FSTL5: variants seen among roughly 807,000 people sequenced by gnomAD.
FSTL5 encodes follistatin-related protein 5.
A neutral mutation model predicts 89.1 loss-of-function variants in FSTL5; 62 were observed. The observed-to-expected ratio is 0.70, with a 90% confidence interval of 0.57 to 0.86. The LOEUF (loss-of-function observed/expected upper bound fraction) is 0.86, where lower values mean the gene tolerates loss of function less well. Ranked by LOEUF, FSTL5 falls within the 40% of genes least tolerant of loss-of-function variation. FSTL5 has a pLI of 0.00. For missense variants in FSTL5, 1,057 were observed against 1,001.6 expected (o/e 1.06, Z -0.75); for synonymous variants, 383 against 346.2 (o/e 1.11, Z -1.18).
chr4:161,465,666 T>C (rs192927998), intron 13 of FSTL5, among the ~76,000 whole-genome samples: 1 of 152,276 alleles, frequency 6.6e-6, no homozygotes, highest in East Asian at 1.9e-4. Context: ...AAATGAGACT[T>C]ACTTGTAGCT....
chr4:161,765,258 T>C (rs1191421522), intron 5 of FSTL5, among the ~76,000 whole-genome samples: 1 of 152,216 alleles, frequency 6.6e-6, no homozygotes, highest in Non-Finnish European at 1.5e-5. Flanking sequence ...CACTCTCTGA[T>C]GTTAAATAGG....
chr4:161,409,856 T>C (rs1243666956), intron 15 of FSTL5, among the ~76,000 whole-genome samples: 1 of 152,098 alleles, frequency 6.6e-6, no homozygotes, highest in African/African-American at 2.4e-5. Flanking sequence ...AACAACACCA[T>C]GACAGGATCA....
At chr4:162,120,256 C>T (rs1447910311) in intron 1 of FSTL5, among the ~76,000 whole-genome samples, 2 of 151,958 alleles carry the variant, frequency 1.3e-5, no homozygotes, top group Non-Finnish European at 2.9e-5. Context: ...ACTCTTAGTT[C>T]CATTATTTTG....
At chr4:162,089,811 T>C (rs1046479204) in intron 2 of FSTL5, among the ~76,000 whole-genome samples, 4 of 152,262 alleles carry the variant, frequency 2.6e-5, no homozygotes, top group Non-Finnish European at 4.4e-5. Context: ...CAATGCTTGA[T>C]AAAAATTTGC....
At chr4:161,875,860 A>G (rs1228122793) in intron 4 of FSTL5, among the ~76,000 whole-genome samples, 1 of 151,984 alleles carries the variant, frequency 6.6e-6, no homozygotes, top group Admixed American at 6.6e-5. Context: ...TTTTTGGTTG[A>G]TGCTTTTTTT....
At chr4:162,062,768 A>C (rs1211724422) in intron 2 of FSTL5, among the ~76,000 whole-genome samples, 1 of 151,534 alleles carries the variant, frequency 6.6e-6, no homozygotes, top group Middle Eastern at 3.4e-3. Flanking sequence ...TGCTCACTGT[A>C]AGCAATACTT....
At chr4:162,126,618 T>C (rs1340890274) in intron 1 of FSTL5, among the ~76,000 whole-genome samples, 1 of 151,572 alleles carries the variant, frequency 6.6e-6, no homozygotes, top group African/African-American at 2.4e-5. Flanking sequence ...CATTTAACTT[T>C]TACTTAAATG....
At chr4:161,763,653 C>T (rs1273885212) in intron 5 of FSTL5, among the ~76,000 whole-genome samples, 2 of 152,116 alleles carry the variant, frequency 1.3e-5, no homozygotes, top group Non-Finnish European at 2.9e-5. Context: ...ACGTACCATT[C>T]ATATGTTTGA....
chr4:161,962,351 G>A (rs1366656873), intron 3 of FSTL5, among the ~76,000 whole-genome samples: 1 of 151,822 alleles, frequency 6.6e-6, no homozygotes, highest in Non-Finnish European at 1.5e-5. Context: ...TAATTATTTT[G>A]ATACGAATTG....
At chr4:161,391,725 T>C (rs1176412606) in intron 15 of FSTL5, among the ~76,000 whole-genome samples, 1 of 152,152 alleles carries the variant, frequency 6.6e-6, no homozygotes. Context: ...TTCATGTTTG[T>C]GAGAGGGGAA....
intron 4 of FSTL5, among the ~76,000 whole-genome samples, chr4:161,914,421 A>G (rs898489851): frequency 2.3e-4 from 35 of 152,182 alleles, no homozygotes; most frequent in African/African-American, 8.4e-4. Context: ...TAACAAACCC[A>G]CTTCATAATC....
chr4:161,411,332 C>A (rs1347601621), intron 15 of FSTL5, among the ~76,000 whole-genome samples: 1 of 151,566 alleles, frequency 6.6e-6, no homozygotes, highest in Admixed American at 6.6e-5. Flanking sequence ...CTAACTTATT[C>A]TATGAAGCCA....
chr4:161,441,258 G>T (rs1732751818), intron 15 of FSTL5, among the ~76,000 whole-genome samples: 1 of 152,092 alleles, frequency 6.6e-6, no homozygotes, highest in African/African-American at 2.4e-5. Flanking sequence ...ACTGTGATTT[G>T]CTTTCTCTAC....
At chr4:161,805,060 T>C (rs1232153086) in intron 4 of FSTL5, among the ~76,000 whole-genome samples, 1 of 152,040 alleles carries the variant, frequency 6.6e-6, no homozygotes, top group Admixed American at 6.6e-5. Flanking sequence ...AACTGGACAA[T>C]TCTGTAGGAC....
chr4:161,752,263 AGATAGATAGATG>A, intron 6 of FSTL5, among the ~76,000 whole-genome samples: 1 of 150,712 alleles, frequency 6.6e-6, no homozygotes, highest in African/African-American at 2.5e-5. Context: ...ATAGATAGAT[AGATAGATAGATG>A]GAATGTTTCC....
At chr4:161,760,352 C>G (rs1434354000) in intron 5 of FSTL5, among the ~76,000 whole-genome samples, 1 of 152,118 alleles carries the variant, frequency 6.6e-6, no homozygotes, top group Non-Finnish European at 1.5e-5. Flanking sequence ...CTCTCACATA[C>G]AAAGGCAGGG....
chr4:161,397,612 G>A (rs560423622), intron 15 of FSTL5, among the ~76,000 whole-genome samples: 117 of 150,200 alleles, frequency 7.8e-4, no homozygotes, highest in Non-Finnish European at 1.6e-3. Context: ...GGTATTAATA[G>A]TATTATAATG....
At chr4:161,652,148 A>G (rs966285036) in intron 7 of FSTL5, among the ~76,000 whole-genome samples, 1 of 152,050 alleles carries the variant, frequency 6.6e-6, no homozygotes, top group Admixed American at 6.6e-5. Flanking sequence ...TTTATCATCA[A>G]TTTTCAGGCT....
At chr4:161,966,703 C>G (rs1735336843) in intron 3 of FSTL5, among the ~76,000 whole-genome samples, 1 of 152,044 alleles carries the variant, frequency 6.6e-6, no homozygotes, top group African/African-American at 2.4e-5. Context: ...TCTCGCTGCC[C>G]TCAGAAGGAA....
Sources: gnomAD v4.1 joint callset for allele counts (sites outside exome capture counted in the v4.1 genomes callset) on GRCh38, gnomAD v4.1.1 for gene constraint, MANE v1.5 for transcripts, NCBI Gene and HGNC (gene_info 2026-07-23, HGNC 2026-07-21) for gene names.